TACC1: variants seen among roughly 807,000 people sequenced by gnomAD.
The protein encoded by TACC1 is transforming acidic coiled-coil-containing protein 1.
TACC1 carries 48 observed loss-of-function variants against 84.4 expected under a neutral mutation model. That is an observed-to-expected ratio of 0.57 (90% confidence interval 0.45 to 0.72). TACC1 has a LOEUF of 0.72. Ranked by LOEUF, TACC1 falls within the 30% of genes least tolerant of loss-of-function variation. TACC1 has a pLI of 0.00. For missense variants in TACC1, 920 were observed against 973.0 expected, an observed-to-expected ratio of 0.95 and a Z score of 0.72; for synonymous variants, 372 against 376.3, an observed-to-expected ratio of 0.99 and a Z score of 0.13.
chr8:38,846,957 C>T, intron 12 of TACC1, 138 bp downstream of exon 12: 1 of 1,031,718 alleles, frequency 9.7e-7, no homozygotes, highest in Non-Finnish European at 1.4e-6. Flanking sequence ...CCTTTCTGAA[C>T]TGATCCAGGT....
At chr8:38,777,514 G>A (rs1243037203) in intron 3 of TACC1, among the ~76,000 whole-genome samples, 1 of 152,174 alleles carries the variant, frequency 6.6e-6, no homozygotes, top group African/African-American at 2.4e-5. Flanking sequence ...AGGCACAATA[G>A]CTCATGTCTA....
chr8:38,788,480 G>C, intron 1 of TACC1: 1 of 466,190 alleles, frequency 2.1e-6, no homozygotes, highest in Non-Finnish European at 3.9e-6. Flanking sequence ...AAGCTCCAGG[G>C]AATGGAGGAG....
chr8:38,842,866 TATA>T (rs1406820781), intron 10 of TACC1, among the ~76,000 whole-genome samples: 1 of 152,258 alleles, frequency 6.6e-6, no homozygotes, highest in Admixed American at 6.5e-5. Flanking sequence ...AAGACATTAG[TATA>T]ATGTTTCAAA....
At chr8:38,771,351 T>C (rs1489563265) in intron 3 of TACC1, among the ~76,000 whole-genome samples, 2 of 152,134 alleles carry the variant, frequency 1.3e-5, no homozygotes, top group Non-Finnish European at 2.9e-5. Flanking sequence ...AGAAAATCCC[T>C]CTTCCAGCTG....
chr8:38,751,359 T>C (rs1375890290), intron 3 of TACC1, among the ~76,000 whole-genome samples: 3 of 152,284 alleles, frequency 2.0e-5, no homozygotes, highest in Non-Finnish European at 4.4e-5. Context: ...AGCCGTGTGC[T>C]ATAGCACTGG....
Position 38,827,224 on chromosome 8 carries a change from T to C in TACC1, c.1509T>C (p.Ala503=). 1 of 1,614,184 alleles carries C rather than the reference T, an allele frequency of 6.2e-7. No homozygotes were observed. The highest frequency in any genetic ancestry group is 8.5e-7 in the Non-Finnish European group (1 of 1,180,034). Residue 503 remains alanine, a synonymous_variant, in exon 5 of 13, where the codon GCT becomes GCC. Coordinates refer to ENST00000317827, the MANE Select transcript of TACC1 (RefSeq NM_006283.3). ...ISDISNRDGH[A]TDEEKLASTS... ...ACATTTCTAATAGGGATGGCCATGC[T>C]ACTGATGAGGAGAAACTGGCATCCA...
At position 38,851,263 on chromosome 8, in the gene TACC1, T is replaced by TTG. The variant is rs1564041793; in HGVS notation, c.*3241_*3242insGT. On this transcript the variant is annotated 3_prime_UTR_variant, in exon 13 of 13. Coordinates refer to ENST00000317827, the MANE Select transcript of TACC1 (RefSeq NM_006283.3). ...GGAGGATAGCTCAAGTTGAATTTTC[T>TTG]TTCCAGCCAGTTACCCTTTCAACCT... The TTG allele has an allele frequency of 6.6e-6, 1 of 152,246 alleles. No homozygotes were observed. Among genetic ancestry groups the TTG allele is most frequent in the Non-Finnish European group, 1.5e-5 (1 of 68,058 alleles). The allele number at this position is 152,246 out of a possible 1,614,324, so 9.4% of individuals were successfully genotyped here. A position where few individuals can be genotyped will look rare whatever the true frequency, so the allele number is the denominator to read the frequency against.
chr8:38,757,219 G>T, intron 3 of TACC1: 1 of 121,364 alleles, frequency 8.2e-6, no homozygotes, highest in Non-Finnish European at 1.5e-5. Context: ...GCCCCACCCC[G>T]CCCTCCCTCG....
intron 2 of TACC1, among the ~76,000 whole-genome samples, chr8:38,800,519 A>G (rs568029137): frequency 7.9e-5 from 12 of 152,322 alleles, no homozygotes; most frequent in African/African-American, 2.9e-4. Context: ...TAGAATATGT[A>G]GTCTTGTATG....
upstream of TACC1, among the ~76,000 whole-genome samples, chr8:38,785,002 G>C (rs535177602): frequency 6.6e-6 from 1 of 152,216 alleles, no homozygotes; most frequent in South Asian, 2.1e-4. Flanking sequence ...AAGGCCACAG[G>C]AAGTGTTCTT....
chr8:38,782,533 C>T (rs1212276689), upstream of TACC1, among the ~76,000 whole-genome samples: 1 of 152,168 alleles, frequency 6.6e-6, no homozygotes, highest in Admixed American at 6.5e-5. Flanking sequence ...TAGGTATATA[C>T]CCAGTAATGG....
upstream of TACC1, among the ~76,000 whole-genome samples, chr8:38,783,391 T>A (rs976810917): frequency 6.6e-6 from 1 of 151,728 alleles, no homozygotes; most frequent in Non-Finnish European, 1.5e-5. Context: ...TTTGGATCTT[T>A]GTTAATCTTC....
At chr8:38,803,606 T>C (rs1367531709) in intron 2 of TACC1, among the ~76,000 whole-genome samples, 1 of 152,242 alleles carries the variant, frequency 6.6e-6, no homozygotes, top group Non-Finnish European at 1.5e-5. Flanking sequence ...ATTCCTGGGA[T>C]AGATCCTGTT....
intron 3 of TACC1, among the ~76,000 whole-genome samples, chr8:38,769,700 TTGTG>T (rs1372341895): frequency 1.3e-5 from 1 of 77,770 alleles, no homozygotes; most frequent in East Asian, 3.9e-4. Context: ...GTGTGTGTGA[TTGTG>T]TGTGTGGTGT....
Position 38,787,649 on chromosome 8 carries a change from C to G in TACC1, c.67C>G (p.Arg23Gly). 1.3e-6 allele frequency: 2 copies of G among 1,549,976 alleles called. No homozygotes were observed. Among genetic ancestry groups the G allele is most frequent in the Non-Finnish European group, 8.7e-7 (1 of 1,148,182 alleles). The change falls in exon 1 of 13, where the codon CGC (arginine) becomes GGC (glycine). Residue 23 changes from arginine (R) to glycine (G), a missense_variant. Transcript: ENST00000317827. The stretch of plus-strand genomic sequence containing the variant: ...GGCGAAATGGACGTGGTCTGCGGTA[C>G]GCGGCGGGGCCGCCGGCGAGGACGA... ...QWAKWTWSAV[R>G]GGAAGEDEAG...
At chr8:38,805,605 T>A (rs1045575181) in intron 2 of TACC1, 1 of 152,342 alleles carries the variant, frequency 6.6e-6, no homozygotes, top group Admixed American at 6.5e-5. Context: ...ATTTTGGGAC[T>A]CCGTTGTGCC....
chr8:38,825,564 CT>C (rs918983971), intron 4 of TACC1, among the ~76,000 whole-genome samples, 196 bp downstream of exon 4: 156 of 143,514 alleles, frequency 1.1e-3, no homozygotes, highest in Middle Eastern at 7.1e-3. Context: ...CACAATGACT[CT>C]TTTTTTTTTT....
chr8:38,729,105 G>T (rs1270345175), intron 1 of TACC1, among the ~76,000 whole-genome samples: 1 of 152,126 alleles, frequency 6.6e-6, no homozygotes, highest in East Asian at 1.9e-4. Flanking sequence ...AGTGAGAAGG[G>T]GACAGGGCTG....
At chr8:38,827,038 A>G (rs1328968141) in intron 4 of TACC1, 130 bp from the exon 5 acceptor site, 4 of 712,072 alleles carry the variant, frequency 5.6e-6, no homozygotes, top group Non-Finnish European at 9.3e-6. Flanking sequence ...CTTGCTTTGT[A>G]CCCAGGTCTG....
Sources: allele counts gnomAD v4.1 joint callset (sites outside exome capture counted in the v4.1 genomes callset), GRCh38; gene constraint gnomAD v4.1.1; transcripts MANE v1.5; gene names NCBI Gene and HGNC (gene_info 2026-07-23, HGNC 2026-07-21).